The following SLC24A2 variants were observed in gnomAD, a reference collection of about 807,000 sequenced individuals.
The protein encoded by SLC24A2 is sodium/potassium/calcium exchanger 2.
Under a neutral mutation model 62.0 loss-of-function variants are expected in SLC24A2, and 36 were observed. The ratio of observed to expected loss-of-function variants is 0.58; its 90% CI spans 0.44 to 0.77. The LOEUF (loss-of-function observed/expected upper bound fraction) is 0.77. SLC24A2 is among the 30% of genes least tolerant of loss of function. The pLI, the probability that SLC24A2 is intolerant of heterozygous loss-of-function variation, is 0.00. For missense variants in SLC24A2, 846 were observed against 817.9 expected (o/e 1.03, Z -0.42); for synonymous variants, 358 against 294.0 (o/e 1.22, Z -2.23).
chr9:19,664,653 ACTG>A (rs1467622405), intron 2 of SLC24A2, among the ~76,000 whole-genome samples: 1 of 152,210 alleles, frequency 6.6e-6, no homozygotes, highest in Non-Finnish European at 1.5e-5. Flanking sequence ...ATGAGGTCAT[ACTG>A]GATCTGGGTG....
the SLC24A2 span, among the ~76,000 whole-genome samples, chr9:20,253,201 G>C: frequency 2.0e-5 from 3 of 152,180 alleles, no homozygotes; most frequent in African/African-American, 7.2e-5. Context: ...GCAGTAGAAA[G>C]AGCACTGACC....
the SLC24A2 span, among the ~76,000 whole-genome samples, chr9:20,166,355 T>G: frequency 1.3e-5 from 2 of 151,994 alleles, no homozygotes; most frequent in East Asian, 3.9e-4. Context: ...TTGGAAACTA[T>G]CTAAGTGTCC....
chr9:19,816,298 G>T, the SLC24A2 span, among the ~76,000 whole-genome samples: 1 of 151,866 alleles, frequency 6.6e-6, no homozygotes, highest in South Asian at 2.1e-4. Context: ...TTCAAGCAGG[G>T]GAAAGAAAGA....
the SLC24A2 span, among the ~76,000 whole-genome samples, chr9:20,301,069 C>T: frequency 1.3e-5 from 2 of 152,204 alleles, no homozygotes; most frequent in South Asian, 2.1e-4. Context: ...GGAGCTCTTC[C>T]TCTACCTCTT....
chr9:20,269,430 C>T, the SLC24A2 span, among the ~76,000 whole-genome samples: 1 of 152,272 alleles, frequency 6.6e-6, no homozygotes, highest in South Asian at 2.1e-4. Flanking sequence ...ACCCATGACT[C>T]TCCTGAACTT....
chr9:20,073,468 A>G, the SLC24A2 span, among the ~76,000 whole-genome samples: 3 of 152,116 alleles, frequency 2.0e-5, no homozygotes, highest in Non-Finnish European at 4.4e-5. Context: ...CAGATATCCC[A>G]TTCTATTCAT....
chr9:19,835,232 C>A, the SLC24A2 span, among the ~76,000 whole-genome samples: 1 of 152,114 alleles, frequency 6.6e-6, no homozygotes, highest in Non-Finnish European at 1.5e-5. Flanking sequence ...ACAATACTAA[C>A]CTTAAATGTA....
chr9:20,208,116 T>C, the SLC24A2 span, among the ~76,000 whole-genome samples: 2 of 152,134 alleles, frequency 1.3e-5, no homozygotes, highest in African/African-American at 2.4e-5. Flanking sequence ...TAGTGATACA[T>C]CATTATCAGG....
At chr9:20,127,605 G>T in the SLC24A2 span, among the ~76,000 whole-genome samples, 1 of 151,902 alleles carries the variant, frequency 6.6e-6, no homozygotes, top group African/African-American at 2.4e-5. Context: ...TAATGTGCAG[G>T]TATATTGCAG....
At chr9:19,792,028 A>C (rs1031940379), upstream of SLC24A2, among the ~76,000 whole-genome samples, 1 of 152,242 alleles carries the variant, frequency 6.6e-6, no homozygotes, top group Non-Finnish European at 1.5e-5. Context: ...GAATTTTAAA[A>C]ATCACTAGGT....
At chr9:19,605,512 T>C (rs1299030779) in intron 4 of SLC24A2, among the ~76,000 whole-genome samples, 3 of 152,216 alleles carry the variant, frequency 2.0e-5, no homozygotes, top group East Asian at 3.9e-4. Context: ...GAGAAGCTGA[T>C]GAATAGAAAA....
At chr9:20,290,023 C>T in the SLC24A2 span, among the ~76,000 whole-genome samples, 1 of 152,196 alleles carries the variant, frequency 6.6e-6, no homozygotes, top group East Asian at 1.9e-4. Context: ...ATTGCCCCAA[C>T]CCTGGCTGAG....
the SLC24A2 span, among the ~76,000 whole-genome samples, chr9:20,043,760 T>C: frequency 6.6e-6 from 1 of 152,218 alleles, no homozygotes; most frequent in Non-Finnish European, 1.5e-5. Flanking sequence ...GAAAGTAGTT[T>C]ATTGAGATGC....
rs1414882183 is a variant in SLC24A2 at position 19,517,953 on chromosome 9, ACACACT to A, written c.1737-1557_1737-1552del. ...CACACACACACACACACACACACAC[ACACACT>A]CTCACACTTCTAGTGAAGTTGAGTT... is the stretch of plus-strand genomic sequence containing the variant. On this transcript the variant is annotated intron_variant, in intron 10 of 10. Transcript: ENST00000341998. Among the ~76,000 whole-genome samples the A allele has an allele frequency of 2.5e-3, 308 of 124,262 alleles. 1 individual carries two copies. The highest frequency in any genetic ancestry group is 6.5e-3 in the African/African-American group (191 of 29,586). 81.5% of individuals were successfully genotyped at this position (124,262 alleles called of 152,430 possible).
the SLC24A2 span, among the ~76,000 whole-genome samples, chr9:19,971,215 C>A: frequency 6.6e-5 from 10 of 152,206 alleles, no homozygotes; most frequent in Non-Finnish European, 1.2e-4. Context: ...ACCAGCCAAT[C>A]CCTGCACAAG....
intron 2 of SLC24A2, among the ~76,000 whole-genome samples, chr9:19,627,456 C>A (rs1169767475): frequency 6.6e-6 from 1 of 152,154 alleles, no homozygotes; most frequent in African/African-American, 2.4e-5. Flanking sequence ...GCCAGGGTGA[C>A]TTCATTAAGC....
intron 8 of SLC24A2, among the ~76,000 whole-genome samples, chr9:19,535,099 C>T (rs1416360583): frequency 6.6e-6 from 1 of 152,184 alleles, no homozygotes; most frequent in Non-Finnish European, 1.5e-5. Context: ...TTGCATTTCT[C>T]TAATGACCAG....
the SLC24A2 span, among the ~76,000 whole-genome samples, chr9:20,102,191 G>C: frequency 7.9e-5 from 12 of 152,262 alleles, no homozygotes; most frequent in East Asian, 2.1e-3. Context: ...AGCCCATGGA[G>C]AACTAAGGTT....
At chr9:19,913,507 GCCAGTATA>G in the SLC24A2 span, among the ~76,000 whole-genome samples, 3 of 152,100 alleles carry the variant, frequency 2.0e-5, no homozygotes, top group Non-Finnish European at 4.4e-5. Context: ...AGCAGAGAAA[GCCAGTATA>G]CAGGGAGAAT....
Sources: allele counts gnomAD v4.1 joint callset (sites outside exome capture counted in the v4.1 genomes callset), GRCh38; gene constraint gnomAD v4.1.1; transcripts MANE v1.5; gene names NCBI Gene and HGNC (gene_info 2026-07-23, HGNC 2026-07-21).